Variants in PDE2A observed in about 807,000 individuals in gnomAD.
PDE2A encodes phosphodiesterase 2A.
In PDE2A, 53 loss-of-function variants were observed where a neutral mutation model predicts 133.6. The observed-to-expected ratio is 0.40, with a 90% CI of 0.32 to 0.50. The LOEUF is 0.50. Ranked by LOEUF, PDE2A falls within the 20% of genes least tolerant of loss-of-function variation. The probability of loss-of-function intolerance (pLI) is 0.73; values close to 1 mark genes in which losing one functional copy is unlikely to be tolerated. For synonymous variants in PDE2A, 491 were observed against 490.2 expected, an observed-to-expected ratio of 1.00 and a Z score of -0.02; for missense variants, 796 against 1,232.4, an observed-to-expected ratio of 0.65 and a Z score of 5.30.
chr11:72,623,848 GCA>G (rs928399099), intron 2 of PDE2A, among the ~76,000 whole-genome samples: 1 of 151,830 alleles, frequency 6.6e-6, no homozygotes, highest in African/African-American at 2.4e-5. Context: ...ATTAACACAG[GCA>G]CCACCATCTC....
chr11:72,582,428 G>A lies in PDE2A; in HGVS notation c.1851+16C>T, dbSNP rs897806403. 1 of 1,612,574 alleles carries A rather than the reference G, an allele frequency of 6.2e-7. No homozygotes were observed. On this transcript the variant is annotated intron_variant, in intron 21 of 30. Coordinates refer to ENST00000334456, the MANE Select transcript of PDE2A (RefSeq NM_002599.5). ...TACCTTCGGCCTGGCCAGTCAAGTG[G>A]AGGAGAGCAACTCACCATGGACGTG...
intron 1 of PDE2A, among the ~76,000 whole-genome samples, chr11:72,665,529 C>G (rs888145798): frequency 1.3e-5 from 2 of 152,120 alleles, no homozygotes; most frequent in Non-Finnish European, 2.9e-5. Flanking sequence ...CCCAGGACAC[C>G]AGGAGCACTC....
In PDE2A at chr11:72,577,387, C is replaced by T. The variant is rs144279571; in HGVS notation, c.2823G>A (p.Glu941=). ...PINGCCSLDA[E] ...AGGGAAGTGTCCCTGGAGGGGATCACTCAGCATCAAGGCTGCAGCAGCCAT... is the reference window on the plus strand; with the variant it reads ...AGGGAAGTGTCCCTGGAGGGGATCATTCAGCATCAAGGCTGCAGCAGCCAT... The change falls in exon 31 of 31, where the codon GAG becomes GAA. Residue 941 remains glutamate, a synonymous_variant. Transcript: ENST00000334456. 26 of 1,612,142 alleles carry T rather than the reference C, an allele frequency of 1.6e-5. No homozygotes were observed. The African/African-American group carries it at 3.5e-4, about 21-fold the overall frequency.
intron 19 of PDE2A, 61 bp downstream of exon 19, chr11:72,584,140 A>G (rs1855846876): frequency 5.8e-6 from 5 of 857,034 alleles, no homozygotes; most frequent in Non-Finnish European, 7.6e-6. Context: ...AGGAGAACCG[A>G]GGGTCCTTCG....
At chr11:72,652,543 CCTT>C (rs1238318180) in intron 1 of PDE2A, 8 of 456,102 alleles carry the variant, frequency 1.8e-5, no homozygotes, top group Non-Finnish European at 3.5e-5. Flanking sequence ...GAAGAACCCT[CCTT>C]CTCCTCTCTG....
chr11:72,662,452 T>G (rs3781913), intron 1 of PDE2A, among the ~76,000 whole-genome samples: 81,153 of 151,870 alleles, frequency 0.53, 22,082 homozygotes, highest in Middle Eastern at 0.71. Flanking sequence ...TCAAAGGGAG[T>G]TCTTTTATCA....
chr11:72,584,506 C>T (rs781761578), intron 18 of PDE2A, 45 bp downstream of exon 18: 223 of 1,543,264 alleles, frequency 1.4e-4, no homozygotes, highest in Non-Finnish European at 1.8e-4. Context: ...GGACCCGCCC[C>T]GCCCGGCGCA....
chr11:72,603,200 T>G (rs1185645822), intron 4 of PDE2A, among the ~76,000 whole-genome samples: 2 of 152,174 alleles, frequency 1.3e-5, no homozygotes, highest in African/African-American at 4.8e-5. Context: ...CCTCCTGGAA[T>G]CTTCAGCCCC....
chr11:72,650,876 T>TACAC (rs58905066), intron 1 of PDE2A, among the ~76,000 whole-genome samples: 4,029 of 130,246 alleles, frequency 0.031, 81 homozygotes, highest in Middle Eastern at 0.046. Context: ...CAGTCCCCAC[T>TACAC]ACACACACAC....
chr11:72,672,145 G>A (rs891514848), intron 1 of PDE2A, among the ~76,000 whole-genome samples: 5 of 151,308 alleles, frequency 3.3e-5, no homozygotes, highest in Admixed American at 6.6e-5. Context: ...CAATGCCACC[G>A]AGGCAGGTTT....
At chr11:72,625,666 G>T (rs986210640) in intron 2 of PDE2A, among the ~76,000 whole-genome samples, 1 of 152,112 alleles carries the variant, frequency 6.6e-6, no homozygotes, top group Non-Finnish European at 1.5e-5. Flanking sequence ...CATTTGTGGG[G>T]TTTGGAGAAA....
intron 2 of PDE2A, among the ~76,000 whole-genome samples, chr11:72,624,520 G>A (rs986542906): frequency 6.6e-6 from 1 of 152,080 alleles, no homozygotes; most frequent in Non-Finnish European, 1.5e-5. Context: ...AGCCTCACTA[G>A]ATCATATGCT....
At chr11:72,591,637 G>A (rs1856253658) in intron 6 of PDE2A, among the ~76,000 whole-genome samples, 1 of 152,316 alleles carries the variant, frequency 6.6e-6, no homozygotes, top group Middle Eastern at 3.4e-3. Flanking sequence ...TATGGTTCAG[G>A]GGATGGAGGG....
chr11:72,598,549 C>T, intron 4 of PDE2A: 1 of 1,289,112 alleles, frequency 7.8e-7, no homozygotes, highest in African/African-American at 1.5e-5. Flanking sequence ...GATTAATTGT[C>T]CTGGGTTCTT....
chr11:72,583,130 G>A (rs1225526812), intron 20 of PDE2A, among the ~76,000 whole-genome samples: 1 of 152,240 alleles, frequency 6.6e-6, no homozygotes, highest in African/African-American at 2.4e-5. Flanking sequence ...CGGGTCCTGG[G>A]TGAGCTTCCT....
In PDE2A at chr11:72,584,548, C is replaced by T. The variant is rs558587542; in HGVS notation, c.1537+3G>A. ...GCCCCTCCGCCCGGGCCGCCACGCG[C>T]ACCCTGGTTCTCGTTCTTGATGGGG... On this transcript the variant is annotated splice_donor_region_variant and intron_variant, in intron 18 of 30. Transcript: ENST00000334456. The T allele has an allele frequency of 3.0e-5, 48 of 1,604,092 alleles. No homozygotes were observed. The South Asian group carries it at 5.1e-4, about 17-fold the overall frequency.
At chr11:72,604,966 C>T (rs199798481) in intron 4 of PDE2A, among the ~76,000 whole-genome samples, 172 bp downstream of exon 4, 3 of 152,256 alleles carry the variant, frequency 2.0e-5, no homozygotes, top group East Asian at 3.8e-4. Context: ...GAAGACATTG[C>T]TTCTGCCCTT....
chr11:72,599,132 A>G (rs1856620242), intron 4 of PDE2A: 1 of 577,368 alleles, frequency 1.7e-6, no homozygotes, highest in South Asian at 7.5e-5. Context: ...GTTGCTGGTC[A>G]GTGCGCACTG....
intron 2 of PDE2A, among the ~76,000 whole-genome samples, chr11:72,625,280 T>C (rs1165483985): frequency 1.3e-5 from 2 of 152,178 alleles, no homozygotes; most frequent in African/African-American, 2.4e-5. Context: ...TGGTGCTGGC[T>C]CTACTGGGAT....
Sources: gnomAD v4.1 joint callset for allele counts (sites outside exome capture counted in the v4.1 genomes callset) on GRCh38, gnomAD v4.1.1 for gene constraint, MANE v1.5 for transcripts, NCBI Gene and HGNC (gene_info 2026-07-23, HGNC 2026-07-21) for gene names.